MGAT4C: variants seen among roughly 807,000 people sequenced by gnomAD.
The protein encoded by MGAT4C is MGAT4 family member C, also known as alpha-1,3-mannosyl-glycoprotein 4-beta-N-acetylglucosaminyltransferase C.
MGAT4C carries 19 observed loss-of-function variants against 40.1 expected under a neutral mutation model. The observed-to-expected ratio is 0.47, with a 90% CI of 0.33 to 0.70. MGAT4C has a LOEUF of 0.70. Among genes scored for constraint, MGAT4C ranks in the 30% least tolerant of loss-of-function variants. The probability of loss-of-function intolerance (pLI) is 0.02; values close to 1 mark genes in which losing one functional copy is unlikely to be tolerated. For synonymous variants in MGAT4C, 181 were observed against 187.1 expected (o/e 0.97, Z 0.27); for missense variants, 491 against 563.2 (o/e 0.87, Z 1.30).
At chr12:85,997,512 CTG>C (rs1456523462) in intron 2 of MGAT4C, among the ~76,000 whole-genome samples, 2 of 152,140 alleles carry the variant, frequency 1.3e-5, no homozygotes, top group Non-Finnish European at 2.9e-5. Flanking sequence ...GCCTATGAGA[CTG>C]TAAAATCAAA....
chr12:86,062,777 A>G (rs945830483), intron 1 of MGAT4C, among the ~76,000 whole-genome samples: 8 of 151,942 alleles, frequency 5.3e-5, no homozygotes, highest in African/African-American at 1.7e-4. Context: ...GATATCAGAG[A>G]TTGAAGATCA....
intron 4 of MGAT4C, among the ~76,000 whole-genome samples, chr12:86,261,847 T>A (rs188292272): frequency 6.6e-6 from 1 of 152,118 alleles, no homozygotes; most frequent in East Asian, 1.9e-4. Flanking sequence ...ACTCTTAACA[T>A]CCCTCCCCCA....
chr12:86,554,391 G>T (rs1565845562), intron 2 of MGAT4C, among the ~76,000 whole-genome samples: 1 of 152,022 alleles, frequency 6.6e-6, no homozygotes, highest in Non-Finnish European at 1.5e-5. Context: ...AGGTACACTT[G>T]TCATTATTTG....
chr12:86,431,958 G>C (rs1449391400), intron 3 of MGAT4C, among the ~76,000 whole-genome samples: 1 of 149,424 alleles, frequency 6.7e-6, no homozygotes, highest in Non-Finnish European at 1.5e-5. Context: ...GAGCGAGACA[G>C]AGAGAGAGAG....
chr12:86,159,189 C>T (rs1001923172), intron 1 of MGAT4C, among the ~76,000 whole-genome samples: 2 of 151,892 alleles, frequency 1.3e-5, no homozygotes, highest in South Asian at 4.1e-4. Context: ...TAGCTGTTAT[C>T]ATTTTGAGGT....
intron 1 of MGAT4C, among the ~76,000 whole-genome samples, chr12:86,090,170 G>A (rs1872638752): frequency 1.3e-5 from 2 of 151,484 alleles, no homozygotes; most frequent in Admixed American, 1.3e-4. Context: ...TTTGCTGATA[G>A]CTTCTAAGGA....
intron 1 of MGAT4C, among the ~76,000 whole-genome samples, chr12:86,139,739 G>T (rs994829946): frequency 6.6e-6 from 1 of 151,944 alleles, no homozygotes; most frequent in African/African-American, 2.4e-5. Context: ...GAAAAAAAAC[G>T]GTTCTTTGAG....
At chr12:86,713,710 T>C (rs998108238) in intron 2 of MGAT4C, among the ~76,000 whole-genome samples, 2 of 152,096 alleles carry the variant, frequency 1.3e-5, no homozygotes, top group South Asian at 2.1e-4. Context: ...TAAAAACTCC[T>C]ATGAAGTCAG....
chr12:86,114,752 A>G (rs1414612857), intron 1 of MGAT4C, among the ~76,000 whole-genome samples: 1 of 151,760 alleles, frequency 6.6e-6, no homozygotes, highest in East Asian at 1.9e-4. Flanking sequence ...CATGTCTCTG[A>G]CTCTAAAGGT....
intron 1 of MGAT4C, among the ~76,000 whole-genome samples, chr12:86,220,628 G>C (rs1950843102): frequency 6.6e-6 from 1 of 151,982 alleles, no homozygotes; most frequent in African/African-American, 2.4e-5. Context: ...CATCTGTTTT[G>C]CCTCTCTAGT....
At chr12:86,146,263 T>G (rs12296437) in intron 1 of MGAT4C, among the ~76,000 whole-genome samples, 4,593 of 152,248 alleles carry the variant, frequency 0.03, 232 homozygotes, top group African/African-American at 0.1. Context: ...CGGGTTATTC[T>G]GTGCTAAGAT....
chr12:86,290,977 A>C (rs74339515), intron 4 of MGAT4C, among the ~76,000 whole-genome samples: 1,731 of 152,310 alleles, frequency 0.011, 25 homozygotes, highest in African/African-American at 0.034. Flanking sequence ...TGAAATTTAA[A>C]ATGCTTTGAA....
intron 1 of MGAT4C, among the ~76,000 whole-genome samples, chr12:86,201,252 G>A (rs917590697): frequency 6.6e-6 from 1 of 151,850 alleles, no homozygotes; most frequent in Non-Finnish European, 1.5e-5. Flanking sequence ...TTTATATGAT[G>A]TGAGATTTTG....
intron 1 of MGAT4C, among the ~76,000 whole-genome samples, chr12:86,253,226 A>AT (rs1444712696): frequency 2.6e-5 from 4 of 151,850 alleles, no homozygotes; most frequent in African/African-American, 7.2e-5. Flanking sequence ...AACAACAAGA[A>AT]TTTTTTTACA....
intron 1 of MGAT4C, among the ~76,000 whole-genome samples, chr12:86,812,857 C>T (rs577668105): frequency 2.8e-4 from 42 of 152,172 alleles, no homozygotes; most frequent in African/African-American, 1.0e-3. Flanking sequence ...GGATGGAGAG[C>T]ACTTCTTCTG....
At chr12:86,618,923 C>T (rs185529263) in intron 2 of MGAT4C, among the ~76,000 whole-genome samples, 1 of 151,910 alleles carries the variant, frequency 6.6e-6, no homozygotes, top group Non-Finnish European at 1.5e-5. Context: ...ACCAAAATAT[C>T]ACATGTACCA....
chr12:86,244,435 A>C (rs2136054650), intron 1 of MGAT4C, among the ~76,000 whole-genome samples: 1 of 152,324 alleles, frequency 6.6e-6, no homozygotes, highest in South Asian at 2.1e-4. Flanking sequence ...TCTACCACTA[A>C]GTTCTAATAG....
intron 1 of MGAT4C, among the ~76,000 whole-genome samples, chr12:86,829,163 T>C (rs902467436): frequency 6.6e-6 from 1 of 151,634 alleles, no homozygotes; most frequent in Non-Finnish European, 1.5e-5. Flanking sequence ...AAGTATCATA[T>C]ATAATACACA....
At chr12:86,083,457 A>G (rs1376173471) in intron 1 of MGAT4C, among the ~76,000 whole-genome samples, 5 of 152,014 alleles carry the variant, frequency 3.3e-5, no homozygotes, top group African/African-American at 4.8e-5. Flanking sequence ...GTTCTGTATG[A>G]TCTGTCTGCC....
Sources: gnomAD v4.1 joint callset for allele counts (sites outside exome capture counted in the v4.1 genomes callset) on GRCh38, gnomAD v4.1.1 for gene constraint, MANE v1.5 for transcripts, NCBI Gene and HGNC (gene_info 2026-07-23, HGNC 2026-07-21) for gene names.